The following PRR5L variants were observed in gnomAD, a reference collection of about 807,000 sequenced individuals.
The protein encoded by PRR5L is proline rich 5 like.
Under a neutral mutation model 36.4 loss-of-function variants are expected in PRR5L, and 21 were observed. The observed-to-expected ratio is 0.58, with a 90% CI of 0.41 to 0.83. PRR5L has a LOEUF of 0.83. Among genes scored for constraint, PRR5L ranks in the 40% least tolerant of loss-of-function variants. The pLI is 0.00. For missense variants in PRR5L, 381 were observed against 473.3 expected (o/e 0.80, Z 1.81); for synonymous variants, 188 against 197.0 (o/e 0.95, Z 0.38).
At chr11:36,310,758 G>T (rs969711500) in intron 1 of PRR5L, among the ~76,000 whole-genome samples, 2 of 152,032 alleles carry the variant, frequency 1.3e-5, no homozygotes, top group Non-Finnish European at 2.9e-5. Flanking sequence ...CAGCACTTTG[G>T]GGGGCCGAGG....
intron 1 of PRR5L, among the ~76,000 whole-genome samples, chr11:36,388,973 A>G (rs1268690918): frequency 6.6e-6 from 1 of 151,820 alleles, no homozygotes; most frequent in Non-Finnish European, 1.5e-5. Flanking sequence ...TGCTGGGATT[A>G]CAGGCGTAAG....
intron 3 of PRR5L, among the ~76,000 whole-genome samples, chr11:36,404,730 G>A (rs1857874437): frequency 1.3e-5 from 2 of 152,164 alleles, no homozygotes; most frequent in Admixed American, 6.5e-5. Flanking sequence ...TCATTGAGGT[G>A]TTTTAAGAGC....
rs1361206770 is a variant in PRR5L at position 36,351,381 on chromosome 11, TC to T, written c.-125-49615del. Among the ~76,000 whole-genome samples the T allele has an allele frequency of 1.4e-4, 12 of 84,598 alleles. No homozygotes were observed. In the South Asian group the frequency reaches 3.5e-3, roughly 25 times the overall value. 55.5% of individuals were successfully genotyped at this position (84,598 alleles called of 152,430 possible). On this transcript the variant is annotated intron_variant, in intron 1 of 8. Transcript: ENST00000530639. Reference sequence around the variant, plus strand: ...ATATATAAATATATATACATATATATCAAATAAATATATATATTTATAAATA... The same window carrying T: ...ATATATAAATATATATACATATATATAAATAAATATATATATTTATAAATA...
At chr11:36,405,986 G>A (rs1218970301) in intron 3 of PRR5L, among the ~76,000 whole-genome samples, 1 of 152,132 alleles carries the variant, frequency 6.6e-6, no homozygotes, top group African/African-American at 2.4e-5. Context: ...GGGGGTTAAG[G>A]CTTTGACATA....
intron 5 of PRR5L, 126 bp downstream of exon 5, chr11:36,432,036 C>T: frequency 2.8e-6 from 2 of 717,308 alleles, no homozygotes; most frequent in Non-Finnish European, 4.8e-6. Context: ...TCCGTTTCCT[C>T]CCTACCTAGG....
intron 8 of PRR5L, among the ~76,000 whole-genome samples, chr11:36,458,011 G>GT (rs1281032203): frequency 1.2e-4 from 18 of 152,220 alleles, no homozygotes; most frequent in Non-Finnish European, 2.1e-4. Flanking sequence ...AGTAATACAG[G>GT]TATTATAAGA....
intron 1 of PRR5L, among the ~76,000 whole-genome samples, chr11:36,341,148 G>A (rs949743740): frequency 8.5e-5 from 13 of 152,058 alleles, no homozygotes; most frequent in African/African-American, 2.7e-4. Flanking sequence ...CACGGTGGTC[G>A]CCCATCCTTC....
intron 1 of PRR5L, among the ~76,000 whole-genome samples, chr11:36,348,876 C>T (rs148253059): frequency 0.011 from 1,688 of 152,222 alleles, 15 homozygotes; most frequent in Non-Finnish European, 0.017. Context: ...TGACCACTCA[C>T]GTATAGTAAA....
intron 3 of PRR5L, among the ~76,000 whole-genome samples, chr11:36,411,458 C>A (rs1252338497): frequency 6.6e-6 from 1 of 151,938 alleles, no homozygotes; most frequent in Non-Finnish European, 1.5e-5. Context: ...CAGTGCTTCC[C>A]CATTTTTTCC....
intron 1 of PRR5L, among the ~76,000 whole-genome samples, chr11:36,327,767 T>C (rs1241937127): frequency 6.6e-6 from 1 of 152,226 alleles, no homozygotes; most frequent in Non-Finnish European, 1.5e-5. Flanking sequence ...TCCAGGTCTT[T>C]AGATAATAAC....
chr11:36,391,025 GAA>G (rs1330823515), intron 1 of PRR5L, among the ~76,000 whole-genome samples: 5 of 16,992 alleles, frequency 2.9e-4, no homozygotes, highest in Non-Finnish European at 1.6e-4. Flanking sequence ...TCTGACTGCA[GAA>G]GCTTCCGAGG....
intron 1 of PRR5L, among the ~76,000 whole-genome samples, chr11:36,332,342 G>A (rs1856727382): frequency 6.6e-6 from 1 of 152,162 alleles, no homozygotes. Context: ...CATAGCTGAA[G>A]CTGCAGCTGT....
rs1857787391 is a variant in PRR5L, at chr11:36,401,224, C to T, written c.103C>T (p.Leu35Phe). Residue 35 changes from leucine (L) to phenylalanine (F), a missense_variant, in exon 2 of 9, where the codon CTT becomes TTT. Leu to Phe is a conservative substitution (Grantham distance 22, BLOSUM62 0). Transcript: ENST00000530639. The part of the protein sequence containing the change: ...RFMSSPVLSD[L>F]PRFQAARQAL... ...CATGAGCTCCCCCGTGCTCAGCGAC[C>T]TTCCCCGATTCCAAGCAGCTCGGCA... 1 of 1,613,930 alleles carries T rather than the reference C, an allele frequency of 6.2e-7. No individual in the cohort carries two copies. The highest frequency in any genetic ancestry group is 8.5e-7 in the Non-Finnish European group (1 of 1,179,992).
intron 5 of PRR5L, among the ~76,000 whole-genome samples, chr11:36,435,168 G>C (rs1730182796): frequency 6.6e-6 from 1 of 152,116 alleles, no homozygotes; most frequent in African/African-American, 2.4e-5. Flanking sequence ...GGGTGACTCA[G>C]ATTGTGAGAG....
intron 3 of PRR5L, among the ~76,000 whole-genome samples, chr11:36,413,202 C>T (rs1268099142): frequency 6.6e-6 from 1 of 152,216 alleles, no homozygotes; most frequent in African/African-American, 2.4e-5. Flanking sequence ...CTAGCCAGCA[C>T]TGCTGGGGAC....
chr11:36,314,356 T>C (rs1856533749), intron 1 of PRR5L, among the ~76,000 whole-genome samples: 1 of 152,218 alleles, frequency 6.6e-6, no homozygotes, highest in Non-Finnish European at 1.5e-5. Context: ...GGTTAAGTTA[T>C]CTGGAAAGAA....
intron 1 of PRR5L, among the ~76,000 whole-genome samples, chr11:36,373,350 TG>T (rs1382375963): frequency 1.3e-5 from 2 of 152,174 alleles, no homozygotes; most frequent in African/African-American, 4.8e-5. Context: ...GGTAGAATTT[TG>T]GTTAGAATTT....
At position 36,401,131 on chromosome 11, in the gene PRR5L, G is replaced by A. The variant is rs777175298; in HGVS notation, c.10G>A (p.Gly4Ser). The change falls in exon 2 of 9, where the codon GGC becomes AGC. Residue 4 changes from glycine to serine, a missense_variant. By Grantham distance (56) the Gly-to-Ser change is moderately conservative (BLOSUM62 0). Transcript: ENST00000530639. MTR[G>S]FAPILPVEFH... ...ACTGTCACCAGGACTTATGACCCGC[G>A]GCTTCGCTCCCATTCTGCCCGTCGA... 4.7e-5 allele frequency: 76 copies of A among 1,614,020 alleles called. 3 individuals are homozygous for A. The South Asian group carries it at 7.0e-4, about 15-fold the overall frequency.
At chr11:36,311,812 A>G (rs868674231) in intron 1 of PRR5L, among the ~76,000 whole-genome samples, 9 of 152,324 alleles carry the variant, frequency 5.9e-5, no homozygotes, top group Middle Eastern at 6.8e-3. Context: ...ATTGAGGTAT[A>G]TATTTAAGGA....
Sources: allele counts gnomAD v4.1 joint callset (sites outside exome capture counted in the v4.1 genomes callset), GRCh38; gene constraint gnomAD v4.1.1; transcripts MANE v1.5; gene names NCBI Gene and HGNC (gene_info 2026-07-23, HGNC 2026-07-21).